DPP4: variants seen among roughly 807,000 people sequenced by gnomAD.
DPP4 encodes the protein ADCP-2.
In DPP4, 93 loss-of-function variants were observed where a neutral mutation model predicts 122.4. The ratio of observed to expected loss-of-function variants is 0.76; its 90% CI spans 0.64 to 0.90. DPP4 has a LOEUF of 0.90. Among genes scored for constraint, DPP4 ranks in the 40% least tolerant of loss-of-function variants. The pLI is 0.00. For missense variants in DPP4, 914 were observed against 907.3 expected, an observed-to-expected ratio of 1.01 and a Z score of -0.09; for synonymous variants, 321 against 302.9, an observed-to-expected ratio of 1.06 and a Z score of -0.62.
intron 19 of DPP4, 93 bp downstream of exon 19, chr2:162,014,303 G>A: frequency 1.0e-6 from 1 of 975,792 alleles, no homozygotes. Flanking sequence ...AAGAGGGAAA[G>A]GACGCATTTG....
chr2:162,022,548 C>T (rs1244210062), intron 12 of DPP4, among the ~76,000 whole-genome samples: 1 of 152,182 alleles, frequency 6.6e-6, no homozygotes, highest in Non-Finnish European at 1.5e-5. Flanking sequence ...TGATTTTTCA[C>T]TTGTCCCCTT....
At chr2:162,034,250 A>G (rs531048985) in intron 9 of DPP4, among the ~76,000 whole-genome samples, 2 of 152,276 alleles carry the variant, frequency 1.3e-5, no homozygotes, top group East Asian at 3.9e-4. Flanking sequence ...TAGATCTTCG[A>G]TTGACAGATT....
intron 23 of DPP4, among the ~76,000 whole-genome samples, chr2:161,997,613 A>T (rs1288403073): frequency 6.6e-6 from 1 of 152,190 alleles, no homozygotes; most frequent in Non-Finnish European, 1.5e-5. Flanking sequence ...ATGTATTGAG[A>T]TATATTTTGC....
At chr2:161,994,896 G>A in intron 25 of DPP4, 65 bp downstream of exon 25, 1 of 1,475,390 alleles carries the variant, frequency 6.8e-7, no homozygotes, top group Non-Finnish European at 9.5e-7. Context: ...AAAAGAATTA[G>A]CCCAGAAAGA....
In DPP4 at chr2:162,039,158, T is replaced by C. The variant is rs151018544; in HGVS notation, c.393A>G (p.Ser131=). The change falls in exon 6 of 26, where the codon TCA becomes TCG. Residue 131 remains serine (S), a synonymous_variant. Coordinates refer to ENST00000360534, the MANE Select transcript of DPP4 (RefSeq NM_001935.4). ...TTTTATTTAAATCATAAATGTCATA[T>C]GAAGCTGTGTAGGAATGCCTCCATT... ...VKQWRHSYTA[S]YDIYDLNKRQ... 15 of 1,612,854 alleles carry C rather than the reference T, an allele frequency of 9.3e-6. No homozygotes were observed. Among genetic ancestry groups the C allele is most frequent in the African/African-American group, 1.3e-5 (1 of 74,908 alleles).
intron 23 of DPP4, among the ~76,000 whole-genome samples, chr2:162,000,730 A>T (rs1701126172): frequency 6.6e-6 from 1 of 152,244 alleles, no homozygotes; most frequent in South Asian, 2.1e-4. Context: ...AATGCAAAAT[A>T]AATCTCCTCT....
chr2:162,044,945 T>C (rs1235363381), intron 5 of DPP4, among the ~76,000 whole-genome samples: 2 of 151,440 alleles, frequency 1.3e-5, no homozygotes, highest in Non-Finnish European at 2.9e-5. Context: ...CTCTTCCTTT[T>C]CTTTTTCTTT....
At chr2:162,069,527 G>A (rs1028256965) in intron 2 of DPP4, among the ~76,000 whole-genome samples, 20 of 152,268 alleles carry the variant, frequency 1.3e-4, no homozygotes, top group African/African-American at 4.8e-4. Flanking sequence ...AGAAACTTAA[G>A]GCATATGCTA....
At chr2:162,059,246 A>T (rs1022022079) in intron 2 of DPP4, among the ~76,000 whole-genome samples, 2 of 149,036 alleles carry the variant, frequency 1.3e-5, no homozygotes, top group African/African-American at 2.5e-5. Context: ...TCTGAAATGA[A>T]TTTTTTTTTT....
chr2:162,054,835 T>G lies in DPP4; in HGVS notation c.95-7334A>C, dbSNP rs549070640. Among the ~76,000 whole-genome samples, 5 of 152,340 alleles carry G rather than the reference T, an allele frequency of 3.3e-5. No homozygotes were observed. The South Asian group carries it at 1.0e-3, about 32-fold the overall frequency. ...ACTAACACACCTTTTAAAGTTTCAT[T>G]TTAAAAATCTATAACATGAGACTAA... is the stretch of plus-strand genomic sequence containing the variant. On this transcript the variant is annotated intron_variant, in intron 2 of 25. Coordinates refer to ENST00000360534, the MANE Select transcript of DPP4 (RefSeq NM_001935.4).
At chr2:162,056,189 T>C (rs1684568176) in intron 2 of DPP4, among the ~76,000 whole-genome samples, 1 of 152,252 alleles carries the variant, frequency 6.6e-6, no homozygotes, top group African/African-American at 2.4e-5. Flanking sequence ...ACCATCTAAC[T>C]GATTATACAT....
intron 10 of DPP4, 62 bp downstream of exon 10, chr2:162,033,479 A>G: frequency 7.4e-7 from 1 of 1,348,466 alleles, no homozygotes; most frequent in Non-Finnish European, 1.0e-6. Flanking sequence ...TCACTTTTGA[A>G]AAGTTCTCCC....
intron 22 of DPP4, among the ~76,000 whole-genome samples, chr2:162,006,192 G>A (rs1701279077): frequency 6.6e-6 from 1 of 152,142 alleles, no homozygotes; most frequent in African/African-American, 2.4e-5. Context: ...TAAGGGGTAA[G>A]GGATCTTAAC....
At chr2:162,033,677 T>G (rs781008533) in intron 9 of DPP4, 24 bp from the exon 10 acceptor site, 12 of 1,519,366 alleles carry the variant, frequency 7.9e-6, no homozygotes, top group East Asian at 2.4e-5. Context: ...ATCACAGAAT[T>G]GGTATTGACA....
At chr2:162,058,424 T>G (rs1044832883) in intron 2 of DPP4, among the ~76,000 whole-genome samples, 1 of 152,200 alleles carries the variant, frequency 6.6e-6, no homozygotes, top group Non-Finnish European at 1.5e-5. Flanking sequence ...TGACCTTGTA[T>G]GGAAAATGTT....
At chr2:162,067,253 G>A (rs1016071393) in intron 2 of DPP4, among the ~76,000 whole-genome samples, 6 of 152,150 alleles carry the variant, frequency 3.9e-5, no homozygotes, top group African/African-American at 1.4e-4. Flanking sequence ...AACAACTGAG[G>A]AAAACAAGAA....
intron 10 of DPP4, among the ~76,000 whole-genome samples, chr2:162,027,532 A>G (rs899792926): frequency 6.6e-6 from 1 of 152,098 alleles, no homozygotes; most frequent in Admixed American, 6.5e-5. Context: ...CTAGGTGGGA[A>G]AAGCCTCTCC....
In DPP4 at chr2:162,073,499, C is replaced by A. The variant is rs1399232574; in HGVS notation, c.7-13G>T. ...CCTTCCACGGTGTCTGCAAGCCGAGCAGATCAAGTCCAATTAGAGGGAAGC... is the reference window on the plus strand; with the variant it reads ...CCTTCCACGGTGTCTGCAAGCCGAGAAGATCAAGTCCAATTAGAGGGAAGC... On this transcript the variant is annotated splice_polypyrimidine_tract_variant and intron_variant, in intron 1 of 25. Transcript: ENST00000360534. 1 of 1,613,156 alleles carries A rather than the reference C, an allele frequency of 6.2e-7. No individual in the cohort carries two copies. Among genetic ancestry groups the A allele is most frequent in the South Asian group, 1.1e-5 (1 of 91,026 alleles).
At chr2:162,047,623 A>G in intron 2 of DPP4, 122 bp from the exon 3 acceptor site, 1 of 551,720 alleles carries the variant, frequency 1.8e-6, no homozygotes, top group Admixed American at 3.2e-5. Context: ...ATATACTCAC[A>G]AAATGCAAGA....
Sources: allele counts gnomAD v4.1 joint callset (sites outside exome capture counted in the v4.1 genomes callset), GRCh38; gene constraint gnomAD v4.1.1; transcripts MANE v1.5; gene names NCBI Gene and HGNC (gene_info 2026-07-23, HGNC 2026-07-21).